The following MEIKIN variants were observed in gnomAD, a reference collection of about 807,000 sequenced individuals.
MEIKIN encodes meiotic kinetochore factor.
intron 8 of MEIKIN, among the ~76,000 whole-genome samples, chr5:131,905,935 A>T (rs182172809): frequency 2.0e-5 from 3 of 152,310 alleles, no homozygotes; most frequent in East Asian, 3.9e-4. Flanking sequence ...CTGGAAAATA[A>T]CCTAGGAAAT....
Position 131,934,233 on chromosome 5 carries a change from T to C in MEIKIN, c.350-592A>G, listed in dbSNP as rs549337040. On this transcript the variant is annotated intron_variant, in intron 4 of 12. Transcript: ENST00000442687. ...GCCTCGGCCTCCCAAAGTACTAGGATTATAGGCGTGAGCCACCGTGCCCAG... is the reference window on the plus strand; with the variant it reads ...GCCTCGGCCTCCCAAAGTACTAGGACTATAGGCGTGAGCCACCGTGCCCAG... Among the ~76,000 whole-genome samples the C allele has an allele frequency of 1.1e-3, 168 of 152,138 alleles. 1 individual carries two copies. Among genetic ancestry groups the C allele is most frequent in the Non-Finnish European group, 4.9e-4 (33 of 68,010 alleles).
chr5:131,934,306 C>G (rs1751737954), intron 4 of MEIKIN, among the ~76,000 whole-genome samples: 1 of 152,008 alleles, frequency 6.6e-6, no homozygotes, highest in African/African-American at 2.4e-5. Context: ...TGTAAGCTAA[C>G]TAGCTGAGGA....
chr5:131,871,935 G>C (rs1750510565), intron 9 of MEIKIN, among the ~76,000 whole-genome samples: 3 of 152,148 alleles, frequency 2.0e-5, no homozygotes, highest in Non-Finnish European at 4.4e-5. Context: ...GCAGCTGAGG[G>C]TCCTGACTGT....
intron 6 of MEIKIN, among the ~76,000 whole-genome samples, chr5:131,918,476 T>C (rs1439290849): frequency 6.6e-6 from 1 of 152,180 alleles, no homozygotes; most frequent in Non-Finnish European, 1.5e-5. Context: ...CTTCAAACAC[T>C]GTAGAAATAT....
At chr5:131,845,674 C>G (rs1433825843) in intron 11 of MEIKIN, among the ~76,000 whole-genome samples, 1 of 150,586 alleles carries the variant, frequency 6.6e-6, no homozygotes, top group African/African-American at 2.4e-5. Flanking sequence ...TAGAAAGATC[C>G]AAGGGCATAT....
chr5:131,927,863 C>A (rs770636882), intron 5 of MEIKIN, among the ~76,000 whole-genome samples: 2 of 152,064 alleles, frequency 1.3e-5, no homozygotes, highest in Admixed American at 6.6e-5. Flanking sequence ...TAAAGAGGAT[C>A]GGCCGGGCGC....
At chr5:131,890,973 T>C (rs1236382798) in intron 8 of MEIKIN, among the ~76,000 whole-genome samples, 1 of 152,244 alleles carries the variant, frequency 6.6e-6, no homozygotes, top group Non-Finnish European at 1.5e-5. Flanking sequence ...TTTCGTTATG[T>C]ACCCAGTAGT....
At chr5:131,835,240 A>G (rs866007267) in intron 11 of MEIKIN, among the ~76,000 whole-genome samples, 4 of 139,310 alleles carry the variant, frequency 2.9e-5, no homozygotes, top group African/African-American at 9.5e-5. Context: ...ATATGTATAT[A>G]TGTGTATATA....
rs114373739 is a variant in MEIKIN, at chr5:131,903,428, T to C, written c.703+8387A>G. On this transcript the variant is annotated intron_variant, in intron 8 of 12. Coordinates refer to ENST00000442687, the MANE Select transcript of MEIKIN (RefSeq NM_001303622.2). ...AGGGGCAGGTCACCTACAAAGGAAA[T>C]CCCATTAGGCTAACAGCAGACCTAT... Among the ~76,000 whole-genome samples, 510 of 152,102 alleles carry C rather than the reference T, an allele frequency of 3.4e-3. 4 individuals are homozygous for C. The highest frequency in any genetic ancestry group is 0.012 in the African/African-American group (485 of 41,488).
At chr5:131,868,697 C>T (rs532690895) in intron 9 of MEIKIN, among the ~76,000 whole-genome samples, 7 of 148,932 alleles carry the variant, frequency 4.7e-5, no homozygotes, top group South Asian at 4.3e-4. Context: ...CTCAGCCTCC[C>T]GACAGGGATT....
At chr5:131,863,154 C>T (rs1346092883) in intron 9 of MEIKIN, among the ~76,000 whole-genome samples, 3 of 152,052 alleles carry the variant, frequency 2.0e-5, no homozygotes, top group Non-Finnish European at 4.4e-5. Flanking sequence ...AGAAGATACT[C>T]GATATGATCT....
At chr5:131,845,851 G>A (rs913062757) in intron 11 of MEIKIN, among the ~76,000 whole-genome samples, 1 of 152,058 alleles carries the variant, frequency 6.6e-6, no homozygotes. Context: ...GGAAAAGAAT[G>A]AGAAAAGAGG....
intron 11 of MEIKIN, among the ~76,000 whole-genome samples, chr5:131,821,143 T>C (rs1348095835): frequency 6.6e-6 from 1 of 152,206 alleles, no homozygotes; most frequent in Non-Finnish European, 1.5e-5. Flanking sequence ...CTTACAGATC[T>C]AAATTTCCAT....
intron 7 of MEIKIN, among the ~76,000 whole-genome samples, chr5:131,914,146 G>A (rs749349460): frequency 2.6e-5 from 4 of 152,170 alleles, no homozygotes; most frequent in Non-Finnish European, 5.9e-5. Flanking sequence ...TCGGGACTCT[G>A]CAGAGAGTCC....
At chr5:131,921,518 G>A (rs1459671244) in intron 6 of MEIKIN, among the ~76,000 whole-genome samples, 2 of 152,090 alleles carry the variant, frequency 1.3e-5, no homozygotes, top group East Asian at 3.9e-4. Context: ...TTAACTAGCT[G>A]TGGTGGCACG....
intron 11 of MEIKIN, among the ~76,000 whole-genome samples, chr5:131,846,290 G>A (rs1020177962): frequency 6.6e-5 from 10 of 152,162 alleles, no homozygotes; most frequent in Non-Finnish European, 1.2e-4. Context: ...CCTATAAGGT[G>A]AAATGAAAGG....
At chr5:131,932,588 T>G (rs563211092) in intron 5 of MEIKIN, among the ~76,000 whole-genome samples, 2 of 152,100 alleles carry the variant, frequency 1.3e-5, no homozygotes, top group Non-Finnish European at 2.9e-5. Flanking sequence ...AGCCAGAGAG[T>G]GGAAAAGAAT....
intron 12 of MEIKIN, among the ~76,000 whole-genome samples, chr5:131,813,380 G>A (rs543319743): frequency 2.8e-4 from 42 of 151,962 alleles, no homozygotes; most frequent in African/African-American, 1.0e-3. Flanking sequence ...GAGTGCACCC[G>A]GTTGTGTGCT....
chr5:131,863,669 T>G (rs1156638999), intron 9 of MEIKIN, among the ~76,000 whole-genome samples: 3 of 151,844 alleles, frequency 2.0e-5, no homozygotes, highest in African/African-American at 7.3e-5. Flanking sequence ...TATCTTTTTC[T>G]ATTTGATATA....
Sources: gnomAD v4.1 joint callset for allele counts (sites outside exome capture counted in the v4.1 genomes callset) on GRCh38, gnomAD v4.1.1 for gene constraint, MANE v1.5 for transcripts, NCBI Gene and HGNC (gene_info 2026-07-23, HGNC 2026-07-21) for gene names.